The following TJP2 variants were observed in gnomAD, a reference collection of about 807,000 sequenced individuals.
TJP2 encodes Friedreich ataxia region gene X104 (tight junction protein ZO-2).
A neutral mutation model predicts 133.1 loss-of-function variants in TJP2; 91 were observed. That is an observed-to-expected ratio of 0.68 (90% confidence interval 0.58 to 0.81). TJP2 has a LOEUF of 0.81. TJP2 is among the 40% of genes least tolerant of loss of function. TJP2 has a pLI of 0.00. For synonymous variants in TJP2, 592 were observed against 583.4 expected, an observed-to-expected ratio of 1.01 and a Z score of -0.21; for missense variants, 1,541 against 1,565.6, an observed-to-expected ratio of 0.98 and a Z score of 0.26.
chr9:69,213,221 G>A (rs905773425), intron 2 of TJP2, among the ~76,000 whole-genome samples: 4 of 151,976 alleles, frequency 2.6e-5, no homozygotes, highest in East Asian at 1.9e-4. Flanking sequence ...CTATCACCAC[G>A]CCCGGCTAAT....
intron 1 of TJP2, 32 bp from the exon 2 acceptor site, chr9:69,212,516 T>A (rs1439415783): frequency 9.6e-6 from 15 of 1,566,638 alleles, no homozygotes; most frequent in African/African-American, 1.4e-5. Flanking sequence ...GGTTGTGGTT[T>A]TCATCAGATT....
chr9:69,132,321 G>A (rs1822530617), intron 1 of TJP2, among the ~76,000 whole-genome samples: 1 of 152,246 alleles, frequency 6.6e-6, no homozygotes, highest in African/African-American at 2.4e-5. Flanking sequence ...CCAGGCATCA[G>A]CTGAGAGCCA....
At chr9:69,199,364 A>C (rs1291768713) in intron 1 of TJP2, among the ~76,000 whole-genome samples, 1 of 152,130 alleles carries the variant, frequency 6.6e-6, no homozygotes, top group Non-Finnish European at 1.5e-5. Flanking sequence ...CCTTGTCTCT[A>C]CTAAAATTAA....
At position 69,248,060 on chromosome 9, in the gene TJP2, G is replaced by T. The variant is rs894332443; in HGVS notation, c.2716G>T (p.Ala906Ser). ...DPEDRMSYLT[A>S]MGADYLSCDS... is the part of the protein sequence containing the mutation. ...CGAAGACCGCATGTCCTACTTAACC[G>T]CCATGGGCGCGGACTATCTGAGTTG... The change falls in exon 19 of 23, where the codon GCC becomes TCC. Residue 906 changes from alanine (A) to serine (S), a missense_variant. Physicochemically the swap from Ala to Ser is moderately conservative, Grantham distance 99. Transcript: ENST00000377245. 3.7e-6 allele frequency: 6 copies of T among 1,613,774 alleles called. No homozygotes were observed. The highest frequency in any genetic ancestry group is 1.7e-5 in the Admixed American group (1 of 59,990).
At chr9:69,253,318 C>T (rs568127072) in intron 22 of TJP2, 343 of 198,722 alleles carry the variant, frequency 1.7e-3, no homozygotes, top group Non-Finnish European at 2.9e-3. Flanking sequence ...CTAAAGGGAC[C>T]GTGACAAGCA....
At position 69,126,573 on chromosome 9, in the gene TJP2, C is replaced by T. The variant is rs144437285; in HGVS notation, c.-131+4848C>T. On this transcript the variant is annotated intron_variant, in intron 1 of 5. Coordinates refer to the TJP2 transcript ENST00000423935. ...AAATCTCATAAGCTCGAAGCTGCCA[C>T]ATGCTGGTATATAAAATAAAGGAAA... Among the ~76,000 whole-genome samples, 252 of 77,370 alleles carry T rather than the reference C, an allele frequency of 3.3e-3. 91 individuals carry two copies. The highest frequency in any genetic ancestry group is 9.6e-3 in the African/African-American group (245 of 25,420). The allele number at this position is 77,370 out of a possible 152,430, so 50.8% of individuals were successfully genotyped here.
intron 2 of TJP2, among the ~76,000 whole-genome samples, chr9:69,157,182 G>A (rs1823813986): frequency 6.6e-6 from 1 of 152,116 alleles, no homozygotes; most frequent in Non-Finnish European, 1.5e-5. Flanking sequence ...TTGGTTTATA[G>A]ATATGAAATA....
chr9:69,183,576 TC>T (rs1164711140), intron 1 of TJP2, among the ~76,000 whole-genome samples: 2 of 152,240 alleles, frequency 1.3e-5, no homozygotes, highest in Non-Finnish European at 2.9e-5. Context: ...GCTTATCTCT[TC>T]TGTTGATAGG....
chr9:69,233,703 G>A (rs1829955569), intron 11 of TJP2, among the ~76,000 whole-genome samples: 1 of 152,148 alleles, frequency 6.6e-6, no homozygotes, highest in Non-Finnish European at 1.5e-5. Context: ...CTTGAACCCA[G>A]GAGGCGGAGG....
intron 1 of TJP2, among the ~76,000 whole-genome samples, chr9:69,185,004 C>G (rs1002784019): frequency 3.3e-5 from 5 of 151,788 alleles, no homozygotes; most frequent in Middle Eastern, 3.2e-3. Flanking sequence ...CCTACCTCGG[C>G]CTCCCGAAGT....
intron 2 of TJP2, among the ~76,000 whole-genome samples, chr9:69,166,528 AAGCC>A (rs1273090136): frequency 6.6e-6 from 1 of 152,040 alleles, no homozygotes; most frequent in African/African-American, 2.4e-5. Context: ...GGATAGCTAG[AAGCC>A]AGGAGTTTGA....
chr9:69,204,926 A>G (rs922391430), intron 1 of TJP2: 1 of 1,251,940 alleles, frequency 8.0e-7, no homozygotes, highest in Non-Finnish European at 1.0e-6. Flanking sequence ...AGGGAGAGAA[A>G]GAAAGCTGTT....
chr9:69,166,654 T>C (rs1277445276), intron 2 of TJP2, among the ~76,000 whole-genome samples: 1 of 151,590 alleles, frequency 6.6e-6, no homozygotes, highest in Non-Finnish European at 1.5e-5. Flanking sequence ...TTTGTATTTT[T>C]AGTAGAGACG....
At chr9:69,151,647 C>T (rs1008530944) in intron 1 of TJP2, 1 of 1,232,090 alleles carries the variant, frequency 8.1e-7, no homozygotes, top group Non-Finnish European at 1.0e-6. Context: ...ACTGTCTTTT[C>T]CAGGGTGCGA....
At position 69,254,278 on chromosome 9, in the gene TJP2, T is replaced by A. The variant is rs79207032; in HGVS notation, c.3477T>A (p.Ser1159Arg). ...PYQDTRGSYG[S>R]DAEEEEYRQQ... ...AGGATACCAGAGGAAGTTATGGCAG[T>A]GATGCCGAGGAGGAGGAGTACCGCC... Residue 1159 changes from serine to arginine, a missense_variant, in exon 23 of 23, where the codon AGT becomes AGA. By Grantham distance (110) the Ser-to-Arg change is moderately radical. Transcript: ENST00000377245. The A allele has an allele frequency of 1.2e-6, 2 of 1,614,220 alleles. No homozygotes were observed. Among genetic ancestry groups the A allele is most frequent in the South Asian group, 2.2e-5 (2 of 91,084 alleles).
intron 2 of TJP2, among the ~76,000 whole-genome samples, chr9:69,155,952 AT>A (rs1485663006): frequency 6.6e-6 from 1 of 152,240 alleles, no homozygotes; most frequent in African/African-American, 2.4e-5. Flanking sequence ...GAGCCTGTAC[AT>A]TAAAAGAGTC....
At chr9:69,229,110 T>G in intron 9 of TJP2, 74 bp from the exon 10 acceptor site, 1 of 1,397,768 alleles carries the variant, frequency 7.2e-7, no homozygotes, top group South Asian at 1.2e-5. Context: ...TTTTGTGGAT[T>G]TTGTGATTTT....
chr9:69,238,832 G>T (rs1830384009), intron 16 of TJP2, 43 bp downstream of exon 16: 2 of 1,477,566 alleles, frequency 1.4e-6, no homozygotes, highest in Non-Finnish European at 1.9e-6. Context: ...GAAAGAATTA[G>T]ATTATGGTTT....
In TJP2 at chr9:69,236,109, AG is replaced by A. The variant is rs758729457; in HGVS notation, c.1863del (p.Ser622AlafsTer13). The A allele has an allele frequency of 1.2e-6, 2 of 1,614,216 alleles. No individual in the cohort carries two copies. Among genetic ancestry groups the A allele is most frequent in the Non-Finnish European group, 1.7e-6 (2 of 1,180,040 alleles). On this transcript the variant is annotated frameshift_variant, in exon 13 of 23. Transcript: ENST00000377245. LOFTEE classifies it high-confidence loss of function. ...SHFECEKETP[Q>X]SLAFTRGEVF... is the part of the protein sequence containing the mutation. ...TTTGAATGTGAGAAGGAAACTCCAC[AG>A]AGCCTGGCCTTCACCAGAGGGGAGG...
Sources: allele counts gnomAD v4.1 joint callset (sites outside exome capture counted in the v4.1 genomes callset), GRCh38; gene constraint gnomAD v4.1.1; transcripts MANE v1.5; gene names NCBI Gene and HGNC (gene_info 2026-07-23, HGNC 2026-07-21).